HIBCH: variants seen among roughly 807,000 people sequenced by gnomAD.
HIBCH encodes 3-hydroxyisobutyryl-CoA hydrolase, mitochondrial.
HIBCH carries 50 observed loss-of-function variants against 58.2 expected under a neutral mutation model. The observed-to-expected ratio is 0.86, with a 90% CI of 0.68 to 1.09. The LOEUF (loss-of-function observed/expected upper bound fraction) is 1.09. Among genes scored for constraint, HIBCH ranks in the 50% least tolerant of loss-of-function variants. The probability of loss-of-function intolerance (pLI) is 0.00; values close to 1 mark genes in which losing one functional copy is unlikely to be tolerated. For synonymous variants in HIBCH, 151 were observed against 146.9 expected (o/e 1.03, Z -0.20); for missense variants, 450 against 449.7 (o/e 1.00, Z -0.01).
At chr2:190,238,858 C>G (rs1028158120) in intron 11 of HIBCH, among the ~76,000 whole-genome samples, 1 of 152,202 alleles carries the variant, frequency 6.6e-6, no homozygotes, top group Non-Finnish European at 1.5e-5. Flanking sequence ...CTTGTAGACT[C>G]TGGATATTAG....
chr2:190,278,845 C>A (rs1432271325), intron 6 of HIBCH, among the ~76,000 whole-genome samples: 1 of 151,838 alleles, frequency 6.6e-6, no homozygotes, highest in East Asian at 1.9e-4. Flanking sequence ...TAAAAAGACT[C>A]CCAAATAATT....
intron 13 of HIBCH, among the ~76,000 whole-genome samples, chr2:190,205,516 TC>T (rs1690369574): frequency 6.6e-6 from 1 of 152,160 alleles, no homozygotes; most frequent in Admixed American, 6.6e-5. Flanking sequence ...ACATTAGAAT[TC>T]TTTTTTTCTT....
At chr2:190,252,053 C>A (rs1686788374) in intron 8 of HIBCH, 109 bp downstream of exon 8, 4 of 1,015,846 alleles carry the variant, frequency 3.9e-6, no homozygotes, top group Non-Finnish European at 6.2e-6. Flanking sequence ...AGGATTCACA[C>A]CACGATTTCA....
At chr2:190,271,775 C>A (rs918671821) in intron 6 of HIBCH, among the ~76,000 whole-genome samples, 2 of 152,148 alleles carry the variant, frequency 1.3e-5, no homozygotes, top group Non-Finnish European at 2.9e-5. Flanking sequence ...CCATATTGAT[C>A]TGAAGATCAA....
chr2:190,194,476 A>G (rs947688919), intron 1 of HIBCH, among the ~76,000 whole-genome samples: 5 of 117,162 alleles, frequency 4.3e-5, no homozygotes, highest in African/African-American at 1.4e-4. Context: ...TATCCTGTGT[A>G]TACACACACA....
At chr2:190,226,326 T>C (rs1182917448) in intron 11 of HIBCH, among the ~76,000 whole-genome samples, 1 of 152,168 alleles carries the variant, frequency 6.6e-6, no homozygotes, top group Non-Finnish European at 1.5e-5. Flanking sequence ...CCAGGTGCGG[T>C]GGCTCACGCC....
intron 2 of HIBCH, among the ~76,000 whole-genome samples, chr2:190,298,057 T>C (rs1688153309): frequency 1.3e-5 from 2 of 152,152 alleles, no homozygotes; most frequent in African/African-American, 4.8e-5. Context: ...TTTACAGCTT[T>C]ATCCATGTCC....
chr2:190,289,310 A>C (rs1687907334), intron 5 of HIBCH, among the ~76,000 whole-genome samples: 1 of 152,116 alleles, frequency 6.6e-6, no homozygotes, highest in Non-Finnish European at 1.5e-5. Context: ...CCAATATATA[A>C]ATGTTTATTT....
downstream of HIBCH, chr2:190,199,737 T>A: frequency 1.3e-6 from 2 of 1,499,954 alleles, no homozygotes; most frequent in Non-Finnish European, 8.8e-7. Flanking sequence ...GGAACATTGA[T>A]TACTGAAGTG....
At chr2:190,275,356 C>T (rs114142680) in intron 6 of HIBCH, among the ~76,000 whole-genome samples, 1 of 152,120 alleles carries the variant, frequency 6.6e-6, no homozygotes, top group African/African-American at 2.4e-5. Flanking sequence ...TTAAACAAAT[C>T]TGTAATTGTT....
rs1034417195 is a variant in HIBCH, at chr2:190,243,843, G to A, written c.891+1044C>T. On this transcript the variant is annotated intron_variant, in intron 11 of 13. Coordinates refer to ENST00000359678, the MANE Select transcript of HIBCH (RefSeq NM_014362.4). This position sits in a 1 kb window ranked among gnomAD's most constrained non-coding sequence, Gnocchi z 4.1. ...AAATTAGCCACCCGTGGTGGCACAC[G>A]CCCGTAGTCCCAGCTACTCAGGAGG... Among the ~76,000 whole-genome samples the A allele has an allele frequency of 2.6e-4, 39 of 152,068 alleles. No homozygotes were observed. Among genetic ancestry groups the A allele is most frequent in the Non-Finnish European group, 4.9e-4 (33 of 68,026 alleles).
intron 2 of HIBCH, among the ~76,000 whole-genome samples, chr2:190,309,185 A>G (rs1267090582): frequency 6.6e-6 from 1 of 152,200 alleles, no homozygotes; most frequent in African/African-American, 2.4e-5. Flanking sequence ...GATAAAAACT[A>G]AAAGAGCTTC....
chr2:190,302,120 T>C (rs1254552953), intron 2 of HIBCH, among the ~76,000 whole-genome samples: 1 of 119,084 alleles, frequency 8.4e-6, no homozygotes, highest in Non-Finnish European at 2.2e-5. Context: ...ATTCATAAAT[T>C]TGGAAAAGAG....
chr2:190,250,481 G>A (rs1575724770), intron 8 of HIBCH: 2 of 409,148 alleles, frequency 4.9e-6, no homozygotes, highest in East Asian at 7.3e-5. Context: ...CTACAGCCCT[G>A]AGAATGTCTG....
chr2:190,310,902 C>T (rs1688539025), intron 1 of HIBCH, 106 bp from the exon 2 acceptor site: 1 of 761,490 alleles, frequency 1.3e-6, no homozygotes, highest in Non-Finnish European at 2.2e-6. Flanking sequence ...AAGGTATTAC[C>T]AGAACAAAAA....
chr2:190,208,714 T>C (rs957250081), intron 13 of HIBCH, 166 bp downstream of exon 13: 42 of 671,466 alleles, frequency 6.3e-5, no homozygotes, highest in Non-Finnish European at 1.1e-4. Flanking sequence ...ATTATACTTA[T>C]GGTCCAATGA....
chr2:190,281,323 A>G lies in HIBCH; in HGVS notation c.438+6263T>C, dbSNP rs961283531. ...TGGATGCCACCAAGGCTTATGGCTTATATCTTCTGGAGCTGCAGGTCAAGC... is the reference window on the plus strand; with the variant it reads ...TGGATGCCACCAAGGCTTATGGCTTGTATCTTCTGGAGCTGCAGGTCAAGC... On this transcript the variant is annotated intron_variant, in intron 6 of 13. Coordinates refer to ENST00000359678, the MANE Select transcript of HIBCH (RefSeq NM_014362.4). This position sits in a 1 kb window ranked among gnomAD's most constrained non-coding sequence, Gnocchi z 5.4. Among the ~76,000 whole-genome samples, 3 of 152,186 alleles carry G rather than the reference A, an allele frequency of 2.0e-5. No individual in the cohort carries two copies. Among genetic ancestry groups the G allele is most frequent in the African/African-American group, 7.2e-5 (3 of 41,430 alleles).
intron 8 of HIBCH, chr2:190,250,246 C>T: frequency 2.8e-6 from 1 of 356,350 alleles, no homozygotes; most frequent in Non-Finnish European, 5.7e-6. Flanking sequence ...ATACCTTTTC[C>T]TGATAATACT....
At chr2:190,271,531 T>A (rs1391623895) in intron 6 of HIBCH, among the ~76,000 whole-genome samples, 1 of 151,948 alleles carries the variant, frequency 6.6e-6, no homozygotes, top group Non-Finnish European at 1.5e-5. Flanking sequence ...CCTGAGGTGA[T>A]CCACTGCCTC....
Sources: gnomAD v4.1 joint callset for allele counts (sites outside exome capture counted in the v4.1 genomes callset) on GRCh38, gnomAD v4.1.1 for gene constraint, Gnocchi (gnomAD v3.1) non-coding constraint, MANE v1.5 for transcripts, NCBI Gene and HGNC (gene_info 2026-07-23, HGNC 2026-07-21) for gene names.